The following PTGER3 variants were observed in gnomAD, a reference collection of about 807,000 sequenced individuals.
PTGER3 encodes prostaglandin E receptor 3, also known as prostaglandin E2 receptor EP3 subtype.
Under a neutral mutation model 34.7 loss-of-function variants are expected in PTGER3, and 22 were observed. The observed-to-expected ratio is 0.63, with a 90% CI of 0.45 to 0.91. PTGER3 has a LOEUF of 0.91. Among genes scored for constraint, PTGER3 ranks in the 40% least tolerant of loss-of-function variants. PTGER3 has a pLI of 0.00. For missense variants in PTGER3, 468 were observed against 519.4 expected, an observed-to-expected ratio of 0.90 and a Z score of 0.96; for synonymous variants, 241 against 230.1, an observed-to-expected ratio of 1.05 and a Z score of -0.43.
intron 2 of PTGER3, among the ~76,000 whole-genome samples, chr1:70,981,351 C>A (rs1289271106): frequency 1.2e-5 from 1 of 82,846 alleles, no homozygotes; most frequent in East Asian, 4.0e-4. Flanking sequence ...TTCTTTCTTT[C>A]TTTCTTTCTT....
At chr1:70,940,725 CT>C (rs750952736) in intron 4 of PTGER3, among the ~76,000 whole-genome samples, 6 of 152,266 alleles carry the variant, frequency 3.9e-5, no homozygotes, top group South Asian at 2.1e-4. Flanking sequence ...TTACCTCCCC[CT>C]GGGCCCCTCC....
chr1:70,943,192 C>T lies in PTGER3; in HGVS notation c.*23+10571G>A, dbSNP rs148216477. ...ACAAATCTGCTGCCTTAACTCCTGA[C>T]AATATGTTTGGAAATTCATAAGAAA... On this transcript the variant is annotated intron_variant, in intron 4 of 4. Coordinates refer to the PTGER3 transcript ENST00000370931. Among the ~76,000 whole-genome samples the T allele has an allele frequency of 7.3e-3, 1,108 of 152,232 alleles. 16 individuals carry two copies. The highest frequency in any genetic ancestry group is 0.026 in the African/African-American group (1,062 of 41,536).
intron 4 of PTGER3, among the ~76,000 whole-genome samples, chr1:70,870,343 T>C (rs1369065406): frequency 6.6e-6 from 1 of 152,182 alleles, no homozygotes; most frequent in Admixed American, 6.5e-5. Flanking sequence ...AGGTCTTTGA[T>C]CCTGTGATGG....
intron 1 of PTGER3, among the ~76,000 whole-genome samples, chr1:71,039,649 C>CAAAA (rs1183485427): frequency 1.8e-5 from 1 of 54,442 alleles, no homozygotes; most frequent in African/African-American, 5.7e-5. Flanking sequence ...GACTCTGTCT[C>CAAAA]AAAAAAAAAA....
intron 4 of PTGER3, among the ~76,000 whole-genome samples, chr1:70,913,437 G>A (rs780074587): frequency 6.6e-6 from 1 of 151,808 alleles, no homozygotes; most frequent in African/African-American, 2.4e-5. Context: ...AGTTGTCTGT[G>A]AATAGAAAGT....
intron 1 of PTGER3, among the ~76,000 whole-genome samples, chr1:71,025,165 T>TTCCTTCCTTCCTTCC (rs1553178212): frequency 0.1 from 8,142 of 79,500 alleles, 291 homozygotes; most frequent in Middle Eastern, 0.18. Context: ...TCCTTCCTTC[T>TTCCTTCCTTCCTTCC]TTCCTTCCTT....
At chr1:70,943,541 C>A (rs145318297) in intron 4 of PTGER3, among the ~76,000 whole-genome samples, 65 of 152,264 alleles carry the variant, frequency 4.3e-4, no homozygotes, top group Non-Finnish European at 8.7e-4. Flanking sequence ...TTGCAGTGGA[C>A]TGCTGTTGCT....
chr1:70,930,947 C>G (rs1234601969), intron 4 of PTGER3, among the ~76,000 whole-genome samples: 3 of 152,066 alleles, frequency 2.0e-5, no homozygotes, highest in African/African-American at 7.2e-5. Context: ...AGCATTAACC[C>G]AAAAGTCCAC....
At chr1:71,039,477 T>C (rs542424661) in intron 1 of PTGER3, among the ~76,000 whole-genome samples, 57 of 151,658 alleles carry the variant, frequency 3.8e-4, no homozygotes, top group Non-Finnish European at 6.3e-4. Context: ...AGTGAAACCC[T>C]GTCTCTACTA....
intron 2 of PTGER3, among the ~76,000 whole-genome samples, chr1:70,956,220 A>G (rs1024415012): frequency 7.9e-5 from 12 of 152,172 alleles, no homozygotes; most frequent in Middle Eastern, 3.2e-3. Flanking sequence ...ATTTATATTT[A>G]TAATTAGCCT....
At chr1:71,028,189 A>C (rs1031993232) in intron 1 of PTGER3, among the ~76,000 whole-genome samples, 14 of 152,106 alleles carry the variant, frequency 9.2e-5, no homozygotes, top group African/African-American at 3.4e-4. Context: ...GGGGTTAGGG[A>C]TGATCATGTG....
At chr1:70,932,926 C>G (rs933732979) in intron 4 of PTGER3, among the ~76,000 whole-genome samples, 1 of 152,112 alleles carries the variant, frequency 6.6e-6, no homozygotes, top group Non-Finnish European at 1.5e-5. Context: ...AACATACACA[C>G]GAACACACAC....
chr1:70,981,287 TCTCTCTTC>T (rs1419378277), intron 2 of PTGER3, among the ~76,000 whole-genome samples: 10 of 104,096 alleles, frequency 9.6e-5, no homozygotes, highest in Non-Finnish European at 1.7e-4. Flanking sequence ...CTTTTCTCTC[TCTCTCTTC>T]CTTCCTTCCT....
intron 1 of PTGER3, among the ~76,000 whole-genome samples, chr1:71,034,033 T>C (rs1327626256): frequency 6.6e-6 from 1 of 152,212 alleles, no homozygotes; most frequent in Non-Finnish European, 1.5e-5. Context: ...TGTCTTTAAG[T>C]AAATTTAGTA....
intron 4 of PTGER3, among the ~76,000 whole-genome samples, chr1:70,896,050 T>C (rs1646716913): frequency 6.6e-6 from 1 of 152,190 alleles, no homozygotes. Flanking sequence ...AATGATAACA[T>C]TCCTAAAATT....
chr1:70,995,629 T>G (rs115310839), intron 2 of PTGER3, among the ~76,000 whole-genome samples: 12,228 of 152,202 alleles, frequency 0.08, 634 homozygotes, highest in Middle Eastern at 0.18. Context: ...AATAACATGA[T>G]GTTTTGATAT....
At chr1:70,985,889 G>C (rs778804456) in intron 2 of PTGER3, among the ~76,000 whole-genome samples, 2 of 152,176 alleles carry the variant, frequency 1.3e-5, no homozygotes. Context: ...AGATGACATT[G>C]TCAGAGGCAT....
intron 4 of PTGER3, among the ~76,000 whole-genome samples, chr1:70,879,970 G>A (rs967823845): frequency 6.6e-6 from 1 of 151,986 alleles, no homozygotes; most frequent in African/African-American, 2.4e-5. Flanking sequence ...GTGCGTACCT[G>A]CAGTCCCAGC....
chr1:71,022,448 T>C (rs576842364), intron 1 of PTGER3, among the ~76,000 whole-genome samples: 55 of 152,070 alleles, frequency 3.6e-4, no homozygotes, highest in African/African-American at 1.3e-3. Flanking sequence ...AATCCCTTCC[T>C]GTGACATAGT....
Sources: allele counts gnomAD v4.1 joint callset (sites outside exome capture counted in the v4.1 genomes callset), GRCh38; gene constraint gnomAD v4.1.1; transcripts MANE v1.5; gene names NCBI Gene and HGNC (gene_info 2026-07-23, HGNC 2026-07-21).